The following DISP3 variants were observed in gnomAD, a reference collection of about 807,000 sequenced individuals.
DISP3 encodes the protein dispatched RND transporter family member 3, also known as protein dispatched homolog 3.
Under a neutral mutation model 135.3 loss-of-function variants are expected in DISP3, and 101 were observed. That is an observed-to-expected ratio of 0.75 (90% confidence interval 0.64 to 0.88). DISP3 has a LOEUF of 0.88. Among genes scored for constraint, DISP3 ranks in the 40% least tolerant of loss-of-function variants. The probability of loss-of-function intolerance (pLI) is 0.00; values close to 1 mark genes in which losing one functional copy is unlikely to be tolerated. For synonymous variants in DISP3, 856 were observed against 817.0 expected, an observed-to-expected ratio of 1.05 and a Z score of -0.81; for missense variants, 1,713 against 1,878.6, an observed-to-expected ratio of 0.91 and a Z score of 1.63.
intron 17 of DISP3, among the ~76,000 whole-genome samples, chr1:11,533,422 A>AT (rs1356044336): frequency 1.3e-5 from 2 of 150,474 alleles, no homozygotes; most frequent in East Asian, 4.0e-4. Flanking sequence ...CACCTGGCTA[A>AT]TTTTTTGTAT....
Position 11,531,724 on chromosome 1 carries a change from G to C in DISP3, c.3375+14G>C, listed in dbSNP as rs1056761772. On this transcript the variant is annotated intron_variant, in intron 17 of 20. Transcript: ENST00000294484. This position sits in a 1 kb window ranked among gnomAD's most constrained non-coding sequence, Gnocchi z 5.2. ...GCTTTCGAGTCGGTGAGCCCAGGCA[G>C]CCTCACTGGGTGCCATGCTGCGTAC... 6.3e-7 allele frequency: 1 copy of C among 1,584,676 alleles called. No individual in the cohort carries two copies. The highest frequency in any genetic ancestry group is 1.7e-5 in the Admixed American group (1 of 58,276).
rs954920012 is a variant in DISP3 at position 11,501,482 on chromosome 1, C to A, written c.490C>A (p.Arg164Ser). 1.2e-6 allele frequency: 2 copies of A among 1,605,700 alleles called. No individual in the cohort carries two copies. Among genetic ancestry groups the A allele is most frequent in the African/African-American group, 2.7e-5 (2 of 74,758 alleles). Residue 164 changes from arginine (R) to serine (S), a missense_variant, in exon 2 of 21, where the codon CGC (arginine) becomes AGC (serine). Physicochemically the swap from Arg to Ser is moderately radical, Grantham distance 110 (BLOSUM62 -1). Transcript: ENST00000294484. This position sits in a 1 kb window ranked among gnomAD's most constrained non-coding sequence, Gnocchi z 4.9. ...GCTGCAGCAGCTGCATCTCGGCAAC[C>A]GCTCGCGGCAAGCCTCCCGAGCCCC... ...EQLQQLHLGN[R>S]SRQASRAPRV... is the part of the protein sequence containing the mutation.
At position 11,535,097 on chromosome 1, in the gene DISP3, C is replaced by T. The variant is rs749744612; in HGVS notation, c.3622C>T (p.Leu1208=). ...CGTGTTCACCACCCACATCCTGCTC[C>T]TGCTGCCCGTGCTCCTCAGCATCTT... ...VAVFTTHILL[L]LPVLLSILGI... Residue 1208 remains leucine (L), a synonymous_variant, in exon 19 of 21, where the codon CTG becomes TTG. Transcript: ENST00000294484. 1 of 1,608,802 alleles carries T rather than the reference C, an allele frequency of 6.2e-7. No individual in the cohort carries two copies. The highest frequency in any genetic ancestry group is 1.7e-5 in the Admixed American group (1 of 59,308).
rs1456913309 is a variant in DISP3, at chr1:11,519,500, C to G, written c.2035C>G (p.Pro679Ala). The G allele has an allele frequency of 1.2e-6, 2 of 1,613,374 alleles. No individual in the cohort carries two copies. Among genetic ancestry groups the G allele is most frequent in the East Asian group, 2.2e-5 (1 of 44,876 alleles). The change falls in exon 8 of 21, where the codon CCA becomes GCA. Residue 679 changes from proline to alanine, a missense_variant. Pro to Ala is a conservative substitution (Grantham distance 27). Coordinates refer to ENST00000294484, the MANE Select transcript of DISP3 (RefSeq NM_020780.2). This position sits in a 1 kb window ranked among gnomAD's most constrained non-coding sequence, Gnocchi z 4.3. Reference sequence around the variant, plus strand: ...CCCCTTGCTGGAGGTCGAGGAAGAGCCAGGTGAGAGCTGGCACAGGCCTGC... The same window carrying G: ...CCCCTTGCTGGAGGTCGAGGAAGAGGCAGGTGAGAGCTGGCACAGGCCTGC... Reference protein sequence around the residue: ...DIPLLEVEEEPVSLELGDVSL... With the variant: ...DIPLLEVEEEAVSLELGDVSL...
Position 11,526,719 on chromosome 1 carries a change from C to G in DISP3, c.2682C>G (p.Leu894=). 1 of 1,614,060 alleles carries G rather than the reference C, an allele frequency of 6.2e-7. No homozygotes were observed. Among genetic ancestry groups the G allele is most frequent in the South Asian group, 1.1e-5 (1 of 91,078 alleles). ...CTTGTATGTCTACAGTAGGGCTGCT[C>G]CAGGCGGCGAGCCCCTCCCGCAAGT... ...LTACMSTVGL[L]QAASPSRKWM... Residue 894 remains leucine, a synonymous_variant, in exon 13 of 21, where the codon CTC becomes CTG. Transcript: ENST00000294484.
intron 13 of DISP3, among the ~76,000 whole-genome samples, chr1:11,528,216 G>A (rs549218280): frequency 1.3e-5 from 2 of 152,198 alleles, no homozygotes; most frequent in Non-Finnish European, 2.9e-5. Flanking sequence ...GGCCCCTGTT[G>A]TATTCACTTG....
Position 11,519,834 on chromosome 1 carries a change from C to G in DISP3, c.2154C>G (p.His718Gln), listed in dbSNP as rs774798379. The part of the protein sequence containing the change: ...HLIVQLQELL[H>Q]HWVLWSAVKS... ...TCGTGCAGCTGCAGGAGCTGCTGCA[C>G]CACTGGGTCCTGTGGTCAGCCGTCA... Residue 718 changes from histidine to glutamine, a missense_variant, in exon 9 of 21, where the codon CAC becomes CAG. By Grantham distance (24) the His-to-Gln change is conservative. This residue lies in a region of DISP3 where 1,142 missense variants were observed against 1,384.6 expected (regional missense o/e 0.82). Transcript: ENST00000294484. This position sits in a 1 kb window ranked among gnomAD's most constrained non-coding sequence, Gnocchi z 4.3. 1 of 1,612,454 alleles carries G rather than the reference C, an allele frequency of 6.2e-7. No homozygotes were observed. Among genetic ancestry groups the G allele is most frequent in the South Asian group, 1.1e-5 (1 of 91,054 alleles).
At chr1:11,524,698 C>T (rs1304837062) in intron 11 of DISP3, among the ~76,000 whole-genome samples, 4 of 137,414 alleles carry the variant, frequency 2.9e-5, no homozygotes, top group Non-Finnish European at 6.3e-5. Flanking sequence ...GTGACTACCA[C>T]CTCCCCCACC....
Position 11,501,309 on chromosome 1 carries a change from A to C in DISP3, c.317A>C (p.Asn106Thr). The C allele has an allele frequency of 1.2e-6, 2 of 1,613,506 alleles. No individual in the cohort carries two copies. The highest frequency in any genetic ancestry group is 8.5e-7 in the Non-Finnish European group (1 of 1,179,884). Reference protein sequence around the residue: ...YPPLDIDISYNAFEIRNHEAS... With the variant: ...YPPLDIDISYTAFEIRNHEAS... ...CCGCTGGACATTGACATCTCCTACA[A>C]CGCCTTTGAGATCCGCAACCACGAG... Residue 106 changes from asparagine (N) to threonine (T), a missense_variant, in exon 2 of 21, where the codon AAC becomes ACC. Coordinates refer to ENST00000294484, the MANE Select transcript of DISP3 (RefSeq NM_020780.2). This position sits in a 1 kb window ranked among gnomAD's most constrained non-coding sequence, Gnocchi z 4.9.
chr1:11,499,616 G>T lies in DISP3; in HGVS notation c.-3-1374G>T, dbSNP rs1332582515. 6.6e-6 allele frequency among the ~76,000 whole-genome samples: 1 copy of T among 151,948 alleles called. No homozygotes were observed. Among genetic ancestry groups the T allele is most frequent in the African/African-American group, 2.4e-5 (1 of 41,366 alleles). On this transcript the variant is annotated intron_variant, in intron 1 of 20. Coordinates refer to ENST00000294484, the MANE Select transcript of DISP3 (RefSeq NM_020780.2). This position sits in a 1 kb window ranked among gnomAD's most constrained non-coding sequence, Gnocchi z 5.2. ...CTCTCTCCTGCAAGTCTTCCGCTGC[G>T]CACCCCTCCTCTCCCCCACATCCTC...
In DISP3 at chr1:11,536,724, A is replaced by G. The variant is rs544474949; in HGVS notation, c.*38A>G. On this transcript the variant is annotated 3_prime_UTR_variant, in exon 21 of 21. Transcript: ENST00000294484. This position sits in a 1 kb window ranked among gnomAD's most constrained non-coding sequence, Gnocchi z 4.3. ...TCTGGACACTTGCACCTTTGGTCCC[A>G]TGGGTGGGGGACAGGAGCTGCTTCC... The G allele has an allele frequency of 2.3e-5, 34 of 1,485,206 alleles. No homozygotes were observed. The African/African-American group carries it at 3.9e-4, about 17-fold the overall frequency. The allele number at this position is 1,485,206 out of a possible 1,614,324, so 92.0% of individuals were successfully genotyped here. A position where few individuals can be genotyped will look rare whatever the true frequency, so the allele number is the denominator to read the frequency against.
chr1:11,480,047 T>A (rs538458271), intron 1 of DISP3, among the ~76,000 whole-genome samples: 1 of 152,150 alleles, frequency 6.6e-6, no homozygotes, highest in South Asian at 2.1e-4. Context: ...CGGGAAAGAT[T>A]CCCAGCGCAA....
rs1184052508 is a variant in DISP3 at position 11,519,726 on chromosome 1, G to A, written c.2046G>A (p.Leu682=). Reference sequence around the variant, plus strand: ...ACTGCTCTGCCCTGGCAGTGTCACTGGAGCTGGGAGACGTGTCCCTGGTGT... The same window carrying A: ...ACTGCTCTGCCCTGGCAGTGTCACTAGAGCTGGGAGACGTGTCCCTGGTGT... The part of the protein sequence containing the change: ...LLEVEEEPVS[L]ELGDVSLVSV... Residue 682 remains leucine, a synonymous_variant, in exon 9 of 21, where the codon CTG becomes CTA. Coordinates refer to ENST00000294484, the MANE Select transcript of DISP3 (RefSeq NM_020780.2). This position sits in a 1 kb window ranked among gnomAD's most constrained non-coding sequence, Gnocchi z 4.3. 8.7e-6 allele frequency: 14 copies of A among 1,612,598 alleles called. No homozygotes were observed. The highest frequency in any genetic ancestry group is 1.2e-5 in the Non-Finnish European group (14 of 1,179,902).
At chr1:11,489,275 T>G (rs1006564054) in intron 1 of DISP3, among the ~76,000 whole-genome samples, 10 of 152,230 alleles carry the variant, frequency 6.6e-5, no homozygotes, top group African/African-American at 2.4e-5. Flanking sequence ...AGCTTCTCTT[T>G]GGGCGCTATG....
rs932129858 is a variant in DISP3 at position 11,497,194 on chromosome 1, T to A, written c.-3-3796T>A. ...TCTGTCCAGGGGAAAGTTCTTTTTTTAAAAAAAATTAAAATTTTAAAAAAT... is the reference window on the plus strand; with the variant it reads ...TCTGTCCAGGGGAAAGTTCTTTTTTAAAAAAAAATTAAAATTTTAAAAAAT... On this transcript the variant is annotated intron_variant, in intron 1 of 20. Transcript: ENST00000294484. Among the ~76,000 whole-genome samples the A allele has an allele frequency of 5.9e-5, 9 of 152,066 alleles. No homozygotes were observed. In the East Asian group the frequency reaches 1.4e-3, roughly 23 times the overall value.
At chr1:11,517,420 G>A (rs755954792) in intron 6 of DISP3, 43 bp from the exon 7 acceptor site, 4 of 1,608,116 alleles carry the variant, frequency 2.5e-6, no homozygotes, top group Non-Finnish European at 3.4e-6. Context: ...CCTGACTGCA[G>A]GTCCAACCTG....
chr1:11,525,640 G>A (rs973234336), intron 12 of DISP3, among the ~76,000 whole-genome samples: 15 of 152,252 alleles, frequency 9.9e-5, no homozygotes, highest in African/African-American at 2.9e-4. Flanking sequence ...TGTTGGAGGG[G>A]TGTGAGGTGA....
chr1:11,490,182 C>A (rs369185824), intron 1 of DISP3, among the ~76,000 whole-genome samples: 1 of 152,196 alleles, frequency 6.6e-6, no homozygotes, highest in East Asian at 1.9e-4. Flanking sequence ...TTTCCAGGAA[C>A]CTGCTGACCC....
chr1:11,501,478 C>T lies in DISP3; in HGVS notation c.486C>T (p.Gly162=). The change falls in exon 2 of 21, where the codon GGC becomes GGT. Residue 162 remains glycine (G), a synonymous_variant. Coordinates refer to ENST00000294484, the MANE Select transcript of DISP3 (RefSeq NM_020780.2). The surrounding 1 kb of genome is among the most constrained non-coding windows in gnomAD (Gnocchi z 4.9). ...ISEQLQQLHL[G]NRSRQASRAP... ...AGCAGCTGCAGCAGCTGCATCTCGG[C>T]AACCGCTCGCGGCAAGCCTCCCGAG... The T allele has an allele frequency of 1.2e-6, 2 of 1,605,482 alleles. No individual in the cohort carries two copies. The highest frequency in any genetic ancestry group is 2.2e-5 in the South Asian group (2 of 90,340).
Sources: gnomAD v4.1 joint callset for allele counts (sites outside exome capture counted in the v4.1 genomes callset) on GRCh38, gnomAD v4.1.1 for gene constraint, gnomAD v4.1.1 regional missense constraint, Gnocchi (gnomAD v3.1) non-coding constraint, MANE v1.5 for transcripts, NCBI Gene and HGNC (gene_info 2026-07-23, HGNC 2026-07-21) for gene names.